Variants in CSMD1 observed in about 807,000 individuals in gnomAD.
The protein encoded by CSMD1 is CUB and sushi domain-containing protein 1.
Under a neutral mutation model 417.5 loss-of-function variants are expected in CSMD1, and 213 were observed. The observed-to-expected ratio is 0.51, with a 90% confidence interval of 0.46 to 0.57. The LOEUF (loss-of-function observed/expected upper bound fraction) is 0.57, where lower values mean the gene tolerates loss of function less well. CSMD1 is among the 20% of genes least tolerant of loss of function. The pLI is 0.00. For synonymous variants in CSMD1, 2,862 were observed against 1,736.8 expected, an observed-to-expected ratio of 1.65 and a Z score of -16.11; for missense variants, 6,923 against 4,529.7, an observed-to-expected ratio of 1.53 and a Z score of -15.17.
At chr8:3,329,695 G>T (rs911089883) in intron 23 of CSMD1, among the ~76,000 whole-genome samples, 1 of 152,108 alleles carries the variant, frequency 6.6e-6, no homozygotes. Context: ...GCCCAGCCCC[G>T]GGGCCGCATG....
chr8:3,929,881 C>G (rs995129587), intron 5 of CSMD1, among the ~76,000 whole-genome samples: 2 of 150,122 alleles, frequency 1.3e-5, no homozygotes, highest in Admixed American at 1.3e-4. Context: ...CCGCTCATCT[C>G]CAACCCCTGA....
At chr8:3,697,771 C>T (rs149058807) in intron 7 of CSMD1, among the ~76,000 whole-genome samples, 10 of 152,234 alleles carry the variant, frequency 6.6e-5, no homozygotes, top group South Asian at 4.2e-4. Context: ...TTACAATGCA[C>T]TTCTAAAAAG....
intron 3 of CSMD1, among the ~76,000 whole-genome samples, chr8:4,040,055 A>T (rs1797807886): frequency 6.6e-6 from 1 of 152,200 alleles, no homozygotes; most frequent in Non-Finnish European, 1.5e-5. Flanking sequence ...GCACCATGCA[A>T]ATGTTAGGGA....
chr8:3,494,733 G>A (rs1010399483), intron 10 of CSMD1, among the ~76,000 whole-genome samples: 4 of 152,204 alleles, frequency 2.6e-5, no homozygotes, highest in Admixed American at 2.6e-4. Flanking sequence ...AGACGCAGAG[G>A]GTGTGAGAAA....
chr8:4,154,632 GT>G (rs1352884786), intron 3 of CSMD1, among the ~76,000 whole-genome samples: 3 of 152,102 alleles, frequency 2.0e-5, no homozygotes, highest in Non-Finnish European at 4.4e-5. Context: ...TAAGTAAAAA[GT>G]TTTAAAAAAG....
intron 23 of CSMD1, among the ~76,000 whole-genome samples, chr8:3,320,260 G>C: frequency 6.6e-6 from 1 of 152,084 alleles, no homozygotes; most frequent in East Asian, 1.9e-4. Flanking sequence ...AGAAGAAATG[G>C]GAGACAACTG....
In CSMD1 at chr8:3,488,354, C is replaced by T. The variant is rs187339968; in HGVS notation, c.1448+5269G>A. Among the ~76,000 whole-genome samples the T allele has an allele frequency of 5.9e-5, 9 of 152,212 alleles. No homozygotes were observed. The East Asian group carries it at 1.7e-3, about 29-fold the overall frequency. On this transcript the variant is annotated intron_variant, in intron 11 of 69. Transcript: ENST00000635120. ...AACTTTTGGCCTCAAGTATTTCTCC[C>T]TCCTCGGCTTCCCAAAGTTCCGGGA...
At chr8:4,161,878 T>C (rs1797192100) in intron 3 of CSMD1, among the ~76,000 whole-genome samples, 1 of 152,212 alleles carries the variant, frequency 6.6e-6, no homozygotes, top group Non-Finnish European at 1.5e-5. Context: ...CTTTTAGATT[T>C]TATAATGGTT....
chr8:3,018,619 T>TGGGGGAA lies in CSMD1; in HGVS notation c.7880_7886dup (p.Asn2630SerfsTer65). On this transcript the variant is annotated frameshift_variant, in exon 52 of 70. Transcript: ENST00000635120. LOFTEE classifies it high-confidence loss of function. ...TCAACGTTCCAATCTTGTTGCCATT[T>TGGGGGAA]GGGGGAAAGGAAAGGCTTCCACACG... The TGGGGGAA allele has an allele frequency of 6.2e-7, 1 of 1,612,930 alleles. No homozygotes were observed. Among genetic ancestry groups the TGGGGGAA allele is most frequent in the Non-Finnish European group, 8.5e-7 (1 of 1,179,456 alleles).
intron 7 of CSMD1, among the ~76,000 whole-genome samples, chr8:3,668,797 T>C (rs1798835262): frequency 6.6e-6 from 1 of 152,170 alleles, no homozygotes; most frequent in Non-Finnish European, 1.5e-5. Flanking sequence ...GCTCATTTTG[T>C]TGCCTTAGAC....
chr8:4,895,668 T>G (rs772180992), intron 1 of CSMD1, among the ~76,000 whole-genome samples: 2 of 152,142 alleles, frequency 1.3e-5, no homozygotes, highest in Middle Eastern at 3.4e-3. Flanking sequence ...TTTTTCCAAA[T>G]TGCTATCCAC....
At chr8:3,673,727 T>C (rs758587291) in intron 7 of CSMD1, among the ~76,000 whole-genome samples, 1 of 152,210 alleles carries the variant, frequency 6.6e-6, no homozygotes, top group Non-Finnish European at 1.5e-5. Context: ...CACTGCATTT[T>C]AGTCCACGAA....
intron 5 of CSMD1, among the ~76,000 whole-genome samples, chr8:3,819,561 C>CTCTT (rs3219854): frequency 6.7e-6 from 1 of 149,780 alleles, no homozygotes; most frequent in Non-Finnish European, 1.5e-5. Flanking sequence ...CACACACACA[C>CTCTT]GTATGTATAT....
In CSMD1 at chr8:3,578,552, A is replaced by T. The variant is rs147848000; in HGVS notation, c.1223-3486T>A. ...CCTATTGGGGGGCTGTATTGAATAC[A>T]AATTTATCTGATGTTCTGGGAGGTC... On this transcript the variant is annotated intron_variant, in intron 9 of 69. Transcript: ENST00000635120. Among the ~76,000 whole-genome samples, 16 of 152,308 alleles carry T rather than the reference A, an allele frequency of 1.1e-4. No individual in the cohort carries two copies. In the East Asian group the frequency reaches 3.1e-3, roughly 29 times the overall value.
chr8:4,358,451 C>T (rs1468968002), intron 3 of CSMD1, among the ~76,000 whole-genome samples: 1 of 152,166 alleles, frequency 6.6e-6, no homozygotes, highest in Non-Finnish European at 1.5e-5. Context: ...CACAGTCGGC[C>T]TGGGGGGAGC....
intron 15 of CSMD1, among the ~76,000 whole-genome samples, chr8:3,402,498 GAA>G (rs1461382881): frequency 6.6e-6 from 1 of 152,124 alleles, no homozygotes; most frequent in Admixed American, 6.5e-5. Context: ...AAGAAAGAGA[GAA>G]AGAGAAACCT....
intron 3 of CSMD1, among the ~76,000 whole-genome samples, chr8:4,268,287 T>C (rs191784146): frequency 2.0e-5 from 3 of 152,256 alleles, no homozygotes; most frequent in Non-Finnish European, 2.9e-5. Context: ...TTGAACAAAA[T>C]GATGACTACA....
chr8:4,457,028 G>C (rs9314530), intron 2 of CSMD1, among the ~76,000 whole-genome samples: 2 of 149,854 alleles, frequency 1.3e-5, no homozygotes, highest in Non-Finnish European at 3.0e-5. Flanking sequence ...AATGTTAATC[G>C]CTGATTCCTG....
chr8:4,824,123 C>T (rs936018115), intron 1 of CSMD1, among the ~76,000 whole-genome samples: 2 of 151,502 alleles, frequency 1.3e-5, no homozygotes, highest in Non-Finnish European at 3.0e-5. Context: ...CTCCCTCTCA[C>T]ACGTACATGT....
Sources: allele counts gnomAD v4.1 joint callset (sites outside exome capture counted in the v4.1 genomes callset), GRCh38; gene constraint gnomAD v4.1.1; transcripts MANE v1.5; gene names NCBI Gene and HGNC (gene_info 2026-07-23, HGNC 2026-07-21).